Variants in DOK1 observed in about 807,000 individuals in gnomAD.
DOK1 encodes Downstream of tyrosine kinase 1.
Under a neutral mutation model 24.0 loss-of-function variants are expected in DOK1, and 12 were observed. That is an observed-to-expected ratio of 0.50 (90% CI 0.32 to 0.81). DOK1 has a LOEUF of 0.81. DOK1 is among the 30% of genes least tolerant of loss of function. DOK1 has a pLI of 0.03. For synonymous variants in DOK1, 250 were observed against 260.9 expected (o/e 0.96, Z 0.40); for missense variants, 591 against 620.7 (o/e 0.95, Z 0.51).
At position 74,557,042 on chromosome 2, in the gene DOK1, AG is replaced by A; in HGVS notation, c.1377del (p.Ser460AlafsTer9). ...GCCAGGTCCAGAAGAGCGGGGCCTCAGGGAGCTGGGACTGTGGGCTCTCTAG... is the reference window on the plus strand; with the variant it reads ...GCCAGGTCCAGAAGAGCGGGGCCTCAGGAGCTGGGACTGTGGGCTCTCTAG... ...YSQVQKSGASGSWDCGLSRVG... is the reference protein window; with the variant it reads ...YSQVQKSGASXSWDCGLSRVG... On this transcript the variant is annotated frameshift_variant, in exon 5 of 5. Transcript: ENST00000233668. LOFTEE classifies it high-confidence loss of function. 6.2e-7 allele frequency: 1 copy of A among 1,614,184 alleles called. No individual in the cohort carries two copies. The highest frequency in any genetic ancestry group is 8.5e-7 in the Non-Finnish European group (1 of 1,180,030).
chr2:74,549,757 C>G, upstream of DOK1: 3 of 1,433,130 alleles, frequency 2.1e-6, no homozygotes, highest in Non-Finnish European at 2.7e-6. This position sits in a 1 kb window ranked among gnomAD's most constrained non-coding sequence, Gnocchi z 5.3. Context: ...GACTCTCTTG[C>G]AGCCAGCAGC....
upstream of DOK1, chr2:74,550,097 A>G: frequency 6.7e-7 from 1 of 1,503,344 alleles, no homozygotes; most frequent in Middle Eastern, 1.8e-4. Context: ...CCCCAGGGGT[A>G]ACTACCTTCT....
rs1383012599 is a variant in DOK1 at position 74,556,757 on chromosome 2, T to A, written c.1089T>A (p.Asp363Glu). ...ACCCCAAAGAGGATCCCATCTATGA[T>A]GAACCTGAGGGCCTGGCCCCAGTCC... ...LTDPKEDPIY[D>E]EPEGLAPVPP... Residue 363 changes from aspartate (D) to glutamate (E), a missense_variant, in exon 5 of 5, where the codon GAT (aspartate) becomes GAA (glutamate). Asp to Glu is a conservative substitution (Grantham distance 45, BLOSUM62 2). Transcript: ENST00000233668. This position sits in a 1 kb window ranked among gnomAD's most constrained non-coding sequence, Gnocchi z 4.1. 1.2e-6 allele frequency: 2 copies of A among 1,614,172 alleles called. No homozygotes were observed. Among genetic ancestry groups the A allele is most frequent in the Non-Finnish European group, 1.7e-6 (2 of 1,180,020 alleles).
chr2:74,552,478 G>A, upstream of DOK1: 1 of 1,613,604 alleles, frequency 6.2e-7, no homozygotes, highest in East Asian at 2.2e-5. Context: ...CCCTCGTAGG[G>A]CTTCCTGGGG....
At chr2:74,554,104 C>G (rs151276951), upstream of DOK1, 4 of 153,108 alleles carry the variant, frequency 2.6e-5, no homozygotes, top group Non-Finnish European at 5.8e-5. This position sits in a 1 kb window ranked among gnomAD's most constrained non-coding sequence, Gnocchi z 4.9. Flanking sequence ...CCTCCCTCCC[C>G]GTGGAGCTGG....
In DOK1 at chr2:74,556,835, C is replaced by T. The variant is rs776871163; in HGVS notation, c.1167C>T (p.Cys389=). 1.5e-5 allele frequency: 25 copies of T among 1,614,046 alleles called. No homozygotes were observed. The highest frequency in any genetic ancestry group is 2.0e-5 in the Non-Finnish European group (24 of 1,180,032). ...LPREPKDAWW[C]QARVKEEGYE... ...GGGAGCCCAAGGATGCATGGTGGTG[C>T]CAAGCTCGGGTGAAGGAGGAGGGCT... is the stretch of plus-strand genomic sequence containing the variant. Residue 389 remains cysteine (C), a synonymous_variant, in exon 5 of 5, where the codon TGC becomes TGT. Transcript: ENST00000233668. This position sits in a 1 kb window ranked among gnomAD's most constrained non-coding sequence, Gnocchi z 4.1.
Position 74,554,731 on chromosome 2 carries a change from G to T in DOK1, c.-24G>T. ...CCGCCTCCCGCCGCAGGGCCAGGAA[G>T]CGCGGAAGGAACCGCCGGGGGCCAT... On this transcript the variant is annotated 5_prime_UTR_variant, in exon 1 of 5. Transcript: ENST00000233668. The surrounding 1 kb of genome is among the most constrained non-coding windows in gnomAD (Gnocchi z 4.9). 3.7e-6 allele frequency: 6 copies of T among 1,605,254 alleles called. No homozygotes were observed. In the African/African-American group the frequency reaches 4.0e-5, roughly 11 times the overall value.
At position 74,554,860 on chromosome 2, in the gene DOK1, G is replaced by A; in HGVS notation, c.60+46G>A. On this transcript the variant is annotated intron_variant, in intron 1 of 4. Coordinates refer to ENST00000233668, the MANE Select transcript of DOK1 (RefSeq NM_001381.5). This position sits in a 1 kb window ranked among gnomAD's most constrained non-coding sequence, Gnocchi z 4.9. ...CGAACCTTATCCGGGCTAGTAGTGG[G>A]TGAGAGAGCCCAGAAACAGGGAGAG... 6.2e-7 allele frequency: 1 copy of A among 1,609,948 alleles called. No homozygotes were observed. Among genetic ancestry groups the A allele is most frequent in the Non-Finnish European group, 8.5e-7 (1 of 1,178,028 alleles).
chr2:74,552,284 A>C, upstream of DOK1: 1 of 1,564,098 alleles, frequency 6.4e-7, no homozygotes, highest in Non-Finnish European at 8.7e-7. Context: ...TTGGCCACAC[A>C]TAGGAAATAT....
Position 74,556,660 on chromosome 2 carries a change from A to T in DOK1, c.992A>T (p.Gln331Leu), listed in dbSNP as rs772311270. Residue 331 changes from glutamine (Q) to leucine (L), a missense_variant, in exon 5 of 5, where the codon CAA (glutamine) becomes CTA (leucine). By Grantham distance (113) the Gln-to-Leu change is moderately radical. Transcript: ENST00000233668. This position sits in a 1 kb window ranked among gnomAD's most constrained non-coding sequence, Gnocchi z 4.1. Reference sequence around the variant, plus strand: ...TCTGCTCAGGCAGGAGAGGGAGTACAACGGAAGAAACCTCTCTATTGGGAC... The same window carrying T: ...TCTGCTCAGGCAGGAGAGGGAGTACTACGGAAGAAACCTCTCTATTGGGAC... ...STSAQAGEGV[Q>L]RKKPLYWDLY... 2 of 1,614,230 alleles carry T rather than the reference A, an allele frequency of 1.2e-6. No individual in the cohort carries two copies.
Position 74,556,535 on chromosome 2 carries a change from C to T in DOK1, c.867C>T (p.Leu289=), listed in dbSNP as rs759534746. 3 of 1,614,058 alleles carry T rather than the reference C, an allele frequency of 1.9e-6. No individual in the cohort carries two copies. The highest frequency in any genetic ancestry group is 1.3e-5 in the African/African-American group (1 of 74,916). The change falls in exon 5 of 5, where the codon CTC becomes CTT. Residue 289 remains leucine, a synonymous_variant. Transcript: ENST00000233668. The surrounding 1 kb of genome is among the most constrained non-coding windows in gnomAD (Gnocchi z 4.1). The part of the protein sequence containing the change: ...LPSPPGPQEL[L]DSPPALYAEP... Reference sequence around the variant, plus strand: ...CCCCACCTGGCCCCCAAGAGCTCCTCGACAGTCCCCCAGCCCTGTATGCTG... The same window carrying T: ...CCCCACCTGGCCCCCAAGAGCTCCTTGACAGTCCCCCAGCCCTGTATGCTG...
upstream of DOK1, chr2:74,550,409 G>T: frequency 6.4e-7 from 1 of 1,555,884 alleles, no homozygotes; most frequent in Non-Finnish European, 8.8e-7. Context: ...GGAGTAATGG[G>T]GATGTAGGGA....
chr2:74,553,341 G>A (rs978651337), upstream of DOK1, among the ~76,000 whole-genome samples: 36 of 152,288 alleles, frequency 2.4e-4, no homozygotes, highest in African/African-American at 8.4e-4. Context: ...CCTGCTGCAC[G>A]CCCTCCCCAA....
upstream of DOK1, chr2:74,550,346 G>T: frequency 6.2e-7 from 1 of 1,612,994 alleles, no homozygotes; most frequent in African/African-American, 1.3e-5. Context: ...AGCCAGATGC[G>T]GCCTGTGGAA....
chr2:74,553,539 C>T (rs1379945003), upstream of DOK1, among the ~76,000 whole-genome samples: 1 of 152,216 alleles, frequency 6.6e-6, no homozygotes, highest in African/African-American at 2.4e-5. Flanking sequence ...TGAGAACAGC[C>T]CCTCTACAGC....
chr2:74,549,290 G>A lies in DOK1; in HGVS notation c.-358+118G>A. ...CCGGGTCCTCCCGTGCCCCGGACCTGCTCAGATGTCTCCCAAGGCTATTCA... is the reference window on the plus strand; with the variant it reads ...CCGGGTCCTCCCGTGCCCCGGACCTACTCAGATGTCTCCCAAGGCTATTCA... On this transcript the variant is annotated intron_variant, in intron 1 of 4. Transcript: ENST00000409429. This position sits in a 1 kb window ranked among gnomAD's most constrained non-coding sequence, Gnocchi z 5.3. 1 of 1,447,384 alleles carries A rather than the reference G, an allele frequency of 6.9e-7. No individual in the cohort carries two copies. The highest frequency in any genetic ancestry group is 9.2e-7 in the Non-Finnish European group (1 of 1,091,512). 89.7% of individuals were successfully genotyped at this position (1,447,384 alleles called of 1,614,324 possible).
chr2:74,555,522 A>AC lies in DOK1; in HGVS notation c.361-48dup. Reference sequence around the variant, plus strand: ...AGAGAAATGGGGCTGCCTCAGACCGACCCCCGCTCCCCGCTGAGGAAATTA... The same window carrying AC: ...AGAGAAATGGGGCTGCCTCAGACCGACCCCCCGCTCCCCGCTGAGGAAATTA... On this transcript the variant is annotated intron_variant, in intron 2 of 4. Coordinates refer to ENST00000233668, the MANE Select transcript of DOK1 (RefSeq NM_001381.5). The surrounding 1 kb of genome is among the most constrained non-coding windows in gnomAD (Gnocchi z 6.1). 6.2e-7 allele frequency: 1 copy of AC among 1,612,706 alleles called. No homozygotes were observed. Among genetic ancestry groups the AC allele is most frequent in the East Asian group, 2.2e-5 (1 of 44,858 alleles).
At position 74,557,055 on chromosome 2, in the gene DOK1, T is replaced by C. The variant is rs556851537; in HGVS notation, c.1387T>C (p.Cys463Arg). 1.8e-5 allele frequency: 29 copies of C among 1,613,572 alleles called. 1 individual carries two copies. The South Asian group carries it at 2.7e-4, about 15-fold the overall frequency. Residue 463 changes from cysteine to arginine, a missense_variant, in exon 5 of 5, where the codon TGT (cysteine) becomes CGT (arginine). Cys to Arg is a radical substitution (Grantham distance 180). Coordinates refer to ENST00000233668, the MANE Select transcript of DOK1 (RefSeq NM_001381.5). ...QKSGASGSWD[C>R]GLSRVGTDKT... ...GAGCGGGGCCTCAGGGAGCTGGGAC[T>C]GTGGGCTCTCTAGAGTAGGGACTGA...
At chr2:74,552,523 C>G, upstream of DOK1, 1 of 1,613,332 alleles carries the variant, frequency 6.2e-7, no homozygotes, top group East Asian at 2.2e-5. Flanking sequence ...CCCTGGCTCC[C>G]GGCCTTCTTC....
Sources: allele counts gnomAD v4.1 joint callset (sites outside exome capture counted in the v4.1 genomes callset), GRCh38; gene constraint gnomAD v4.1.1; non-coding constraint Gnocchi (gnomAD v3.1); transcripts MANE v1.5; gene names NCBI Gene and HGNC (gene_info 2026-07-23, HGNC 2026-07-21).